Variants in CFAP58 observed in about 807,000 individuals in gnomAD.
CFAP58 encodes cilia- and flagella-associated protein 58.
A neutral mutation model predicts 119.5 loss-of-function variants in CFAP58; 88 were observed. That is an observed-to-expected ratio of 0.74 (90% CI 0.62 to 0.88). The LOEUF (loss-of-function observed/expected upper bound fraction) is 0.88, where lower values mean the gene tolerates loss of function less well. Among genes scored for constraint, CFAP58 ranks in the 40% least tolerant of loss-of-function variants. The pLI, the probability that CFAP58 is intolerant of heterozygous loss-of-function variation, is 0.00. For synonymous variants in CFAP58, 365 were observed against 366.3 expected (o/e 1.00, Z 0.04); for missense variants, 990 against 1,021.2 (o/e 0.97, Z 0.42).
At chr10:104,443,974 G>T (rs2013076844) in intron 15 of CFAP58, among the ~76,000 whole-genome samples, 1 of 152,188 alleles carries the variant, frequency 6.6e-6, no homozygotes, top group Non-Finnish European at 1.5e-5. Flanking sequence ...ACATCTGATG[G>T]CCTGTCCAAC....
chr10:104,361,258 G>T (rs2014662721), intron 2 of CFAP58, among the ~76,000 whole-genome samples: 2 of 152,158 alleles, frequency 1.3e-5, no homozygotes, highest in Non-Finnish European at 2.9e-5. Context: ...AAGCTGCATG[G>T]GTCATTGCCT....
intron 1 of CFAP58, among the ~76,000 whole-genome samples, chr10:104,354,356 T>A (rs1019973951): frequency 1.3e-5 from 2 of 152,140 alleles, no homozygotes; most frequent in Non-Finnish European, 2.9e-5. Context: ...TTTCCTAACA[T>A]GTGATCACCT....
At chr10:104,451,294 G>T (rs188589418) in intron 17 of CFAP58, among the ~76,000 whole-genome samples, 1 of 152,254 alleles carries the variant, frequency 6.6e-6, no homozygotes, top group East Asian at 1.9e-4. Flanking sequence ...AAATTCATTT[G>T]CCAGTAAAAG....
At chr10:104,369,609 G>T (rs967352585) in intron 6 of CFAP58, among the ~76,000 whole-genome samples, 2 of 152,130 alleles carry the variant, frequency 1.3e-5, no homozygotes, top group African/African-American at 4.8e-5. Flanking sequence ...TCAAAATAAT[G>T]TATTAGCCCC....
chr10:104,368,253 C>A (rs2014777047), intron 5 of CFAP58, among the ~76,000 whole-genome samples, 170 bp from the exon 6 acceptor site: 1 of 152,206 alleles, frequency 6.6e-6, no homozygotes, highest in African/African-American at 2.4e-5. Context: ...TAACATTCAT[C>A]ATATTTGAGT....
Position 104,392,319 on chromosome 10 carries a change from A to T in CFAP58, c.1452A>T (p.Leu484Phe). Residue 484 changes from leucine (L) to phenylalanine (F), a missense_variant, in exon 10 of 18, where the codon TTA becomes TTT. Transcript: ENST00000369704. ...AAATAGCTGAATCAGAGATTAAATT[A>T]AAACAGCAACAGAACCTATATGAAG... ...RKKIAESEIK[L>F]KQQQNLYEAV... 6.2e-7 allele frequency: 1 copy of T among 1,613,106 alleles called. No individual in the cohort carries two copies. The highest frequency in any genetic ancestry group is 8.5e-7 in the Non-Finnish European group (1 of 1,179,590).
At chr10:104,371,746 C>G (rs1487401767) in intron 7 of CFAP58, among the ~76,000 whole-genome samples, 1 of 152,142 alleles carries the variant, frequency 6.6e-6, no homozygotes, top group Non-Finnish European at 1.5e-5. Flanking sequence ...CCATCATCAT[C>G]CAGATATATT....
At chr10:104,363,038 A>G (rs2014693124) in intron 3 of CFAP58, among the ~76,000 whole-genome samples, 2 of 152,144 alleles carry the variant, frequency 1.3e-5, no homozygotes, top group South Asian at 2.1e-4. Flanking sequence ...TTTAAGACCC[A>G]TCTCAAACAC....
At chr10:104,444,127 A>G (rs887587987) in intron 15 of CFAP58, among the ~76,000 whole-genome samples, 3 of 152,236 alleles carry the variant, frequency 2.0e-5, no homozygotes, top group East Asian at 1.9e-4. Flanking sequence ...AGCTGTTCAT[A>G]AAATAGTGAG....
At chr10:104,386,138 G>A (rs1435539690) in intron 9 of CFAP58, among the ~76,000 whole-genome samples, 2 of 151,324 alleles carry the variant, frequency 1.3e-5, no homozygotes, top group African/African-American at 4.9e-5. Context: ...AGCACTTTGG[G>A]AGGCCAAGGT....
At chr10:104,414,450 A>C (rs2012512341) in intron 15 of CFAP58, among the ~76,000 whole-genome samples, 1 of 152,128 alleles carries the variant, frequency 6.6e-6, no homozygotes, top group Non-Finnish European at 1.5e-5. Context: ...AGAGCCCAAG[A>C]ATCAAAAGGG....
rs766481288 is a variant in CFAP58, at chr10:104,358,409, T to C, written c.78T>C (p.Val26=). Residue 26 remains valine (V), a synonymous_variant, in exon 2 of 18, where the codon GTT becomes GTC. Coordinates refer to ENST00000369704, the MANE Select transcript of CFAP58 (RefSeq NM_001008723.2). The part of the protein sequence containing the change: ...FEEMERDFQG[V]LHELSGDKSL... ...AAATGGAAAGAGATTTTCAGGGAGT[T>C]CTCCATGAACTTTCTGGAGACAAAA... 20 of 1,613,946 alleles carry C rather than the reference T, an allele frequency of 1.2e-5. 1 individual carries two copies. The South Asian group carries it at 1.8e-4, about 14-fold the overall frequency.
chr10:104,355,871 T>C (rs1328238327), intron 1 of CFAP58, among the ~76,000 whole-genome samples: 1 of 152,248 alleles, frequency 6.6e-6, no homozygotes, highest in African/African-American at 2.4e-5. Flanking sequence ...TTGGTATTTT[T>C]CCATTCCTGT....
chr10:104,405,631 G>A (rs2012345986), intron 14 of CFAP58, among the ~76,000 whole-genome samples: 1 of 152,210 alleles, frequency 6.6e-6, no homozygotes, highest in African/African-American at 2.4e-5. Flanking sequence ...GAACATCAAA[G>A]CTTTGTGGAT....
chr10:104,401,345 G>T (rs1323300828), intron 13 of CFAP58, among the ~76,000 whole-genome samples: 1 of 152,192 alleles, frequency 6.6e-6, no homozygotes, highest in African/African-American at 2.4e-5. Flanking sequence ...AAGAAAAGAG[G>T]TGGAAAATAT....
chr10:104,378,716 T>C (rs1013688400), intron 8 of CFAP58, among the ~76,000 whole-genome samples: 3 of 152,144 alleles, frequency 2.0e-5, no homozygotes, highest in African/African-American at 7.2e-5. Context: ...TTCTACTGAG[T>C]TGCAAAAATC....
At position 104,447,604 on chromosome 10, in the gene CFAP58, G is replaced by C. The variant is rs1448693064; in HGVS notation, c.2257-94G>C. ...ACTGTGGAGCTGTGAAGTAGCTTGGGCCACTCCCAAATTGTGCTGGCCATG... is the reference window on the plus strand; with the variant it reads ...ACTGTGGAGCTGTGAAGTAGCTTGGCCCACTCCCAAATTGTGCTGGCCATG... On this transcript the variant is annotated intron_variant, in intron 15 of 17. Transcript: ENST00000369704. The C allele has an allele frequency of 2.0e-6, 3 of 1,494,844 alleles. No homozygotes were observed. The African/African-American group carries it at 4.2e-5, about 21-fold the overall frequency. The allele number at this position is 1,494,844 out of a possible 1,614,324, so 92.6% of individuals were successfully genotyped here.
the CFAP58 span, among the ~76,000 whole-genome samples, chr10:104,346,633 C>CTTTTTTTTTTTTTTTTTT: frequency 5.0e-4 from 51 of 101,122 alleles, 11 homozygotes; most frequent in African/African-American, 1.6e-3. Flanking sequence ...GCCATTTAGT[C>CTTTTTTTTTTTTTTTTTT]TTTTTTTTTT....
intron 7 of CFAP58, among the ~76,000 whole-genome samples, chr10:104,373,813 T>A (rs1286305020): frequency 6.6e-6 from 1 of 152,162 alleles, no homozygotes; most frequent in Non-Finnish European, 1.5e-5. Context: ...TTCCCAGATG[T>A]TTAAATGTAT....
Sources: gnomAD v4.1 joint callset for allele counts (sites outside exome capture counted in the v4.1 genomes callset) on GRCh38, gnomAD v4.1.1 for gene constraint, MANE v1.5 for transcripts, NCBI Gene and HGNC (gene_info 2026-07-23, HGNC 2026-07-21) for gene names.